Variants in SPIDR observed in about 807,000 individuals in gnomAD.
SPIDR encodes scaffold protein involved in DNA repair, also known as DNA repair-scaffolding protein.
In SPIDR, 93 loss-of-function variants were observed where a neutral mutation model predicts 104.6. The observed-to-expected ratio is 0.89, with a 90% confidence interval of 0.75 to 1.06. The LOEUF is 1.06. Among genes scored for constraint, SPIDR ranks in the 50% least tolerant of loss-of-function variants. The probability of loss-of-function intolerance (pLI) is 0.00; values close to 1 mark genes in which losing one functional copy is unlikely to be tolerated. For synonymous variants in SPIDR, 431 were observed against 416.9 expected, an observed-to-expected ratio of 1.03 and a Z score of -0.41; for missense variants, 1,154 against 1,111.2, an observed-to-expected ratio of 1.04 and a Z score of -0.55.
intron 5 of SPIDR, among the ~76,000 whole-genome samples, chr8:47,337,766 T>G (rs1410096777): frequency 6.6e-6 from 1 of 152,170 alleles, no homozygotes; most frequent in Non-Finnish European, 1.5e-5. Context: ...GGTAGTGTGT[T>G]AGGTAGGTGT....
chr8:47,393,482 C>T lies in SPIDR; in HGVS notation c.526-2894C>T, dbSNP rs189463049. Among the ~76,000 whole-genome samples the T allele has an allele frequency of 3.3e-5, 5 of 152,270 alleles. No individual in the cohort carries two copies. In the East Asian group the frequency reaches 9.7e-4, roughly 29 times the overall value. The stretch of plus-strand genomic sequence containing the variant: ...GTTGTTGGCTCCTGCGTCAAGCTGT[C>T]AGTGGCTCTCTCCTGCCTCAGAATC... On this transcript the variant is annotated intron_variant, in intron 5 of 19. Coordinates refer to ENST00000297423, the MANE Select transcript of SPIDR (RefSeq NM_001080394.4).
chr8:47,336,937 C>CT (rs1554609830), intron 5 of SPIDR, among the ~76,000 whole-genome samples: 1 of 152,142 alleles, frequency 6.6e-6, no homozygotes, highest in African/African-American at 2.4e-5. Context: ...TCAACACAGC[C>CT]CTTCACCTCA....
At chr8:47,398,972 C>T (rs1230889307) in intron 6 of SPIDR, among the ~76,000 whole-genome samples, 5 of 152,166 alleles carry the variant, frequency 3.3e-5, no homozygotes, top group Non-Finnish European at 2.9e-5. Context: ...GCCGTCTCAG[C>T]GGCGTGACCA....
chr8:47,654,383 A>G (rs1028185137), intron 10 of SPIDR, among the ~76,000 whole-genome samples: 5 of 152,180 alleles, frequency 3.3e-5, no homozygotes, highest in African/African-American at 1.2e-4. Context: ...CAGCAACTGG[A>G]TGTGAAAGGA....
intron 14 of SPIDR, 109 bp from the exon 15 acceptor site, chr8:47,712,553 T>A: frequency 8.1e-7 from 1 of 1,242,002 alleles, no homozygotes; most frequent in South Asian, 1.5e-5. Flanking sequence ...TTAAAGTGTT[T>A]TTGAAATAAT....
chr8:47,377,731 C>T (rs141205718), intron 5 of SPIDR, among the ~76,000 whole-genome samples: 1 of 151,726 alleles, frequency 6.6e-6, no homozygotes, highest in Non-Finnish European at 1.5e-5. Context: ...TTCAAGCATG[C>T]AAACATTTCT....
chr8:47,721,420 G>A (rs1176825520), intron 16 of SPIDR, among the ~76,000 whole-genome samples: 2 of 151,242 alleles, frequency 1.3e-5, no homozygotes, highest in Admixed American at 1.3e-4. Flanking sequence ...GAGGGTCTGT[G>A]TTCCCTTGAT....
In SPIDR at chr8:47,375,233, C is replaced by CTTT. The variant is rs869038432; in HGVS notation, c.526-21119_526-21117dup. On this transcript the variant is annotated intron_variant, in intron 5 of 19. Transcript: ENST00000297423. ...ATAGATTGAGTTAAGAGTTAATAGG[C>CTTT]TTTTTTTTTTTTTTTTTTTTTTTTT... is the stretch of plus-strand genomic sequence containing the variant. 2.0e-3 allele frequency among the ~76,000 whole-genome samples: 109 copies of CTTT among 53,384 alleles called. 33 individuals are homozygous for CTTT. Among genetic ancestry groups the CTTT allele is most frequent in the East Asian group, 3.8e-3 (5 of 1,308 alleles). 35.0% of individuals were successfully genotyped at this position (53,384 alleles called of 152,430 possible). A position where few individuals can be genotyped will look rare whatever the true frequency, so the allele number is the denominator to read the frequency against.
At chr8:47,278,751 G>T (rs2037110178) in intron 1 of SPIDR, among the ~76,000 whole-genome samples, 1 of 152,046 alleles carries the variant, frequency 6.6e-6, no homozygotes, top group Non-Finnish European at 1.5e-5. Flanking sequence ...AGGACTACAG[G>T]TGCATGCCAC....
chr8:47,418,824 A>G (rs920475370), intron 7 of SPIDR, among the ~76,000 whole-genome samples: 4 of 152,216 alleles, frequency 2.6e-5, no homozygotes, highest in Non-Finnish European at 4.4e-5. Context: ...AGTTTCTAGC[A>G]TGAAGGTTGT....
intron 10 of SPIDR, among the ~76,000 whole-genome samples, chr8:47,630,818 T>C (rs1403877671): frequency 6.6e-6 from 1 of 152,188 alleles, no homozygotes; most frequent in Non-Finnish European, 1.5e-5. Context: ...GTATGGCTGA[T>C]CCGACGTTCC....
chr8:47,413,450 G>A (rs1229133903), intron 7 of SPIDR, among the ~76,000 whole-genome samples: 2 of 152,210 alleles, frequency 1.3e-5, no homozygotes, highest in Non-Finnish European at 2.9e-5. Context: ...TCTGCCATAT[G>A]AAAATAATCA....
At chr8:47,553,228 C>T (rs920856027) in intron 8 of SPIDR, among the ~76,000 whole-genome samples, 2 of 152,070 alleles carry the variant, frequency 1.3e-5, no homozygotes, top group Admixed American at 6.6e-5. Context: ...GTGAATCTGA[C>T]AATTATGTGT....
chr8:47,375,956 G>C (rs569606758), intron 5 of SPIDR, among the ~76,000 whole-genome samples: 1 of 152,142 alleles, frequency 6.6e-6, no homozygotes, highest in South Asian at 2.1e-4. Context: ...CTGAGACAGT[G>C]TTCCCAGGAA....
intron 8 of SPIDR, among the ~76,000 whole-genome samples, chr8:47,499,719 T>C (rs758243069): frequency 6.6e-6 from 1 of 152,122 alleles, no homozygotes; most frequent in Non-Finnish European, 1.5e-5. Context: ...ACATGTGCCA[T>C]GTCGGTATGC....
chr8:47,600,700 C>A (rs773128568), intron 10 of SPIDR, among the ~76,000 whole-genome samples: 2 of 152,118 alleles, frequency 1.3e-5, no homozygotes, highest in Non-Finnish European at 2.9e-5. Flanking sequence ...ACACATCAGA[C>A]ATAGGTTTTT....
intron 3 of SPIDR, among the ~76,000 whole-genome samples, chr8:47,286,505 T>C (rs909139875): frequency 9.5e-4 from 145 of 152,304 alleles, no homozygotes; most frequent in African/African-American, 3.4e-3. Flanking sequence ...GCCCAGGAGT[T>C]TGGGGCTGCA....
At chr8:47,324,026 A>C (rs1428078762) in intron 5 of SPIDR, among the ~76,000 whole-genome samples, 1 of 152,234 alleles carries the variant, frequency 6.6e-6, no homozygotes, top group African/African-American at 2.4e-5. Context: ...CTAAAAAGTT[A>C]TAATCCAATT....
At chr8:47,426,027 G>A (rs1554684444) in intron 7 of SPIDR, among the ~76,000 whole-genome samples, 1 of 151,082 alleles carries the variant, frequency 6.6e-6, no homozygotes, top group East Asian at 1.9e-4. Flanking sequence ...GGCAGATCAC[G>A]AGGTCAGGAG....
Sources: gnomAD v4.1 joint callset for allele counts (sites outside exome capture counted in the v4.1 genomes callset) on GRCh38, gnomAD v4.1.1 for gene constraint, MANE v1.5 for transcripts, NCBI Gene and HGNC (gene_info 2026-07-23, HGNC 2026-07-21) for gene names.